The following NEK10 variants were observed in gnomAD, a reference collection of about 807,000 sequenced individuals.
NEK10 encodes the protein NIMA related kinase 10.
In NEK10, 122 loss-of-function variants were observed where a neutral mutation model predicts 159.8. The observed-to-expected ratio is 0.76, with a 90% CI of 0.66 to 0.89. The LOEUF (loss-of-function observed/expected upper bound fraction) is 0.89, where lower values mean the gene tolerates loss of function less well. NEK10 is among the 40% of genes least tolerant of loss of function. NEK10 has a pLI of 0.00. For missense variants in NEK10, 1,342 were observed against 1,323.1 expected (o/e 1.01, Z -0.22); for synonymous variants, 466 against 457.1 (o/e 1.02, Z -0.25).
At chr3:27,286,842 T>C (rs1370100453) in intron 20 of NEK10, among the ~76,000 whole-genome samples, 1 of 152,082 alleles carries the variant, frequency 6.6e-6, no homozygotes, top group Non-Finnish European at 1.5e-5. Context: ...TATTTTAATA[T>C]CAAGAACAAA....
chr3:27,174,644 C>A lies in NEK10; in HGVS notation c.2689+6G>T. The stretch of plus-strand genomic sequence containing the variant: ...ACCTACGTTGACACACTGCCACTAG[C>A]AGTACCTTTCTCAGCATTTTCCAGG... On this transcript the variant is annotated splice_donor_region_variant and intron_variant, in intron 27 of 35. Transcript: ENST00000691995. 1 of 1,607,382 alleles carries A rather than the reference C, an allele frequency of 6.2e-7. No individual in the cohort carries two copies. The highest frequency in any genetic ancestry group is 8.5e-7 in the Non-Finnish European group (1 of 1,177,030).
intron 14 of NEK10, 84 bp downstream of exon 14, chr3:27,297,095 A>G: frequency 1.3e-6 from 1 of 783,574 alleles, no homozygotes; most frequent in Non-Finnish European, 2.2e-6. Flanking sequence ...CCCAAAACCT[A>G]TGTTCTGGGA....
chr3:27,280,888 A>G lies in NEK10; in HGVS notation c.2014+3714T>C, dbSNP rs368756398. Reference sequence around the variant, plus strand: ...ATATATGTTTTATATGTGTGTGTGTATATGTGTGTGTATATGTACATATGG... The same window carrying G: ...ATATATGTTTTATATGTGTGTGTGTGTATGTGTGTGTATATGTACATATGG... On this transcript the variant is annotated intron_variant, in intron 22 of 35. Transcript: ENST00000691995. Among the ~76,000 whole-genome samples the G allele has an allele frequency of 2.0e-5, 3 of 146,576 alleles. No individual in the cohort carries two copies. The East Asian group carries it at 5.8e-4, about 28-fold the overall frequency.
intron 3 of NEK10, among the ~76,000 whole-genome samples, chr3:27,349,995 A>G (rs2047851124): frequency 6.6e-6 from 1 of 152,138 alleles, no homozygotes; most frequent in South Asian, 2.1e-4. Context: ...ACAACAGGGG[A>G]AGTAGCCTCG....
Position 27,202,570 on chromosome 3 carries a change from A to G in NEK10, c.2091-13T>C. 1.3e-6 allele frequency: 2 copies of G among 1,592,808 alleles called. No individual in the cohort carries two copies. The highest frequency in any genetic ancestry group is 1.7e-6 in the Non-Finnish European group (2 of 1,167,410). ...CAGTACCTCGGGGCTGAAGTAAAATAAGGACATTAATACATGCTAAGGAAG... is the reference window on the plus strand; with the variant it reads ...CAGTACCTCGGGGCTGAAGTAAAATGAGGACATTAATACATGCTAAGGAAG... On this transcript the variant is annotated splice_polypyrimidine_tract_variant and intron_variant, in intron 23 of 35. Coordinates refer to ENST00000691995, the MANE Select transcript of NEK10 (RefSeq NM_001394966.1).
At chr3:27,198,197 T>C (rs1391265233) in intron 25 of NEK10, among the ~76,000 whole-genome samples, 1 of 151,920 alleles carries the variant, frequency 6.6e-6, no homozygotes, top group African/African-American at 2.4e-5. Flanking sequence ...AAAATGACAA[T>C]ACTGCCCAAA....
At chr3:27,199,150 G>A (rs1949821489) in intron 25 of NEK10, among the ~76,000 whole-genome samples, 1 of 151,564 alleles carries the variant, frequency 6.6e-6, no homozygotes, top group South Asian at 2.1e-4. Context: ...CACAGCAAAG[G>A]ATACTATCAA....
At chr3:27,333,818 C>T (rs933224285) in intron 5 of NEK10, among the ~76,000 whole-genome samples, 1 of 151,706 alleles carries the variant, frequency 6.6e-6, no homozygotes, top group African/African-American at 2.4e-5. Flanking sequence ...AAGAGAAGAG[C>T]TGGCTGTTGA....
intron 30 of NEK10, among the ~76,000 whole-genome samples, chr3:27,146,476 T>C (rs895879473): frequency 1.3e-5 from 2 of 152,184 alleles, no homozygotes; most frequent in Admixed American, 6.5e-5. Flanking sequence ...AAAAAATATA[T>C]TGTTTTCATG....
At chr3:27,114,810 C>T (rs1337921217) in intron 35 of NEK10, among the ~76,000 whole-genome samples, 1 of 152,218 alleles carries the variant, frequency 6.6e-6, no homozygotes, top group Middle Eastern at 3.2e-3. Context: ...CCTAAAACAA[C>T]TGTGGCCCAG....
In NEK10 at chr3:27,336,740, TAAAC is replaced by T. The variant is rs574566133; in HGVS notation, c.362+7528_362+7531del. Reference sequence around the variant, plus strand: ...TACATCACATCAACAGAATGAACGATAAACAACATATGATCATCTCAATAGATGC... The same window carrying T: ...TACATCACATCAACAGAATGAACGATAACATATGATCATCTCAATAGATGC... On this transcript the variant is annotated intron_variant, in intron 5 of 35. Transcript: ENST00000691995. Among the ~76,000 whole-genome samples the T allele has an allele frequency of 1.8e-3, 277 of 152,196 alleles. 2 individuals are homozygous for T. The highest frequency in any genetic ancestry group is 3.4e-3 in the Non-Finnish European group (228 of 67,970).
chr3:27,197,522 A>T (rs1949663806), intron 25 of NEK10, among the ~76,000 whole-genome samples: 1 of 152,128 alleles, frequency 6.6e-6, no homozygotes, highest in Non-Finnish European at 1.5e-5. Flanking sequence ...ACTTAGCCCC[A>T]GGTAGGCCTG....
chr3:27,165,350 T>C (rs1231658645), intron 29 of NEK10, among the ~76,000 whole-genome samples: 3 of 152,310 alleles, frequency 2.0e-5, no homozygotes, highest in South Asian at 4.1e-4. Flanking sequence ...GATGGACAAA[T>C]GGTTGAAATT....
chr3:27,290,602 A>G lies in NEK10; in HGVS notation c.1743+15T>C. The G allele has an allele frequency of 1.3e-6, 2 of 1,562,970 alleles. No homozygotes were observed. Among genetic ancestry groups the G allele is most frequent in the Non-Finnish European group, 1.7e-6 (2 of 1,153,784 alleles). ...ATTTAAGAAAAACATCTTCAGAAAC[A>G]AGGAAAACATTTACCTGCTCTTTAA... On this transcript the variant is annotated intron_variant, in intron 19 of 35. Coordinates refer to ENST00000691995, the MANE Select transcript of NEK10 (RefSeq NM_001394966.1).
In NEK10 at chr3:27,334,294, G is replaced by A. The variant is rs189187009; in HGVS notation, c.362+9978C>T. ...ACCAACACCAGCATGCATTACTTGG[G>A]ACTTAGAGGTTAGTCCTACAACTGC... On this transcript the variant is annotated intron_variant, in intron 5 of 35. Coordinates refer to ENST00000691995, the MANE Select transcript of NEK10 (RefSeq NM_001394966.1). 5.8e-4 allele frequency among the ~76,000 whole-genome samples: 88 copies of A among 152,236 alleles called. No homozygotes were observed. The East Asian group carries it at 0.015, about 27-fold the overall frequency.
intron 19 of NEK10, among the ~76,000 whole-genome samples, chr3:27,288,882 A>C (rs924439239): frequency 6.6e-6 from 1 of 152,082 alleles, no homozygotes; most frequent in Admixed American, 6.6e-5. Flanking sequence ...TCCACCAAAA[A>C]CCTGCTGTCC....
intron 14 of NEK10, 71 bp downstream of exon 14, chr3:27,297,108 C>T: frequency 1.1e-6 from 1 of 920,610 alleles, no homozygotes; most frequent in Non-Finnish European, 1.8e-6. Flanking sequence ...TTCTGGGATA[C>T]AGACTGCACC....
chr3:27,288,454 G>C (rs1225058539), intron 19 of NEK10, among the ~76,000 whole-genome samples: 3 of 152,038 alleles, frequency 2.0e-5, no homozygotes, highest in African/African-American at 4.8e-5. Flanking sequence ...ACTCACCCTT[G>C]ATATCTAACC....
In NEK10 at chr3:27,346,176, G is replaced by A. The variant is rs747609281; in HGVS notation, c.173C>T (p.Thr58Met). 9.3e-6 allele frequency: 15 copies of A among 1,613,500 alleles called. No homozygotes were observed. The highest frequency in any genetic ancestry group is 4.4e-5 in the South Asian group (4 of 91,092). ...INFDSAQNSM[T>M]KSEPAIRAGG... ...CGCCCTGATGGCGGGCTCAGACTTC[G>A]TCATGCTATTTTGGGCACTATCGAA... The change falls in exon 4 of 36, where the codon ACG becomes ATG. Residue 58 changes from threonine (T) to methionine (M), a missense_variant. By Grantham distance (81) the Thr-to-Met change is moderately conservative. Coordinates refer to ENST00000691995, the MANE Select transcript of NEK10 (RefSeq NM_001394966.1).
Sources: allele counts gnomAD v4.1 joint callset (sites outside exome capture counted in the v4.1 genomes callset), GRCh38; gene constraint gnomAD v4.1.1; transcripts MANE v1.5; gene names NCBI Gene and HGNC (gene_info 2026-07-23, HGNC 2026-07-21).